Variants in SZT2 observed in about 807,000 individuals in gnomAD.
The protein encoded by SZT2 is SZT2 subunit of KICSTOR complex.
Under a neutral mutation model 404.2 loss-of-function variants are expected in SZT2, and 216 were observed. The observed-to-expected ratio is 0.53, with a 90% CI of 0.48 to 0.60. The LOEUF (loss-of-function observed/expected upper bound fraction) is 0.60, where lower values mean the gene tolerates loss of function less well. Among genes scored for constraint, SZT2 ranks in the 20% least tolerant of loss-of-function variants. SZT2 has a pLI of 0.00. For synonymous variants in SZT2, 1,693 were observed against 1,749.9 expected (o/e 0.97, Z 0.81); for missense variants, 3,857 against 4,459.2 (o/e 0.86, Z 3.85).
chr1:43,446,879 A>G, intron 65 of SZT2, 76 bp from the exon 66 acceptor site: 1 of 1,459,496 alleles, frequency 6.9e-7, no homozygotes, highest in Non-Finnish European at 9.4e-7. Context: ...GCTTCTTCCC[A>G]CGGAAGGAGG....
At chr1:43,393,468 C>T (rs1648646433) in intron 1 of SZT2, among the ~76,000 whole-genome samples, 2 of 152,160 alleles carry the variant, frequency 1.3e-5, no homozygotes, top group Non-Finnish European at 2.9e-5. Flanking sequence ...ATCCTAAGTG[C>T]TCTAACACTG....
At chr1:43,397,025 G>T (rs1649076056) in intron 1 of SZT2, among the ~76,000 whole-genome samples, 2 of 152,170 alleles carry the variant, frequency 1.3e-5, no homozygotes, top group African/African-American at 4.8e-5. Flanking sequence ...GCTGGAAACA[G>T]AATAAATACA....
In SZT2 at chr1:43,441,704, GA is replaced by G; in HGVS notation, c.7630del (p.Ser2544AlafsTer109). Reference protein sequence around the residue: ...MVQIGCASVSRSSAHMVSRFL... With the variant: ...MVQIGCASVSXSSAHMVSRFL... ...CTCCTAGGTTGTGCCTCAGTGTCCA[GA>G]AGCTCTGCCCACATGGTGTCCCGGT... is the stretch of plus-strand genomic sequence containing the variant. On this transcript the variant is annotated frameshift_variant, in exon 55 of 72. Transcript: ENST00000634258. LOFTEE classifies it high-confidence loss of function. This position sits in a 1 kb window ranked among gnomAD's most constrained non-coding sequence, Gnocchi z 4.8. 6.2e-7 allele frequency: 1 copy of G among 1,614,196 alleles called. No homozygotes were observed.
chr1:43,438,375 A>G (rs1275977808), intron 46 of SZT2, among the ~76,000 whole-genome samples: 2 of 152,206 alleles, frequency 1.3e-5, no homozygotes, highest in Non-Finnish European at 2.9e-5. Flanking sequence ...TTTATAGCTC[A>G]ATTAACATGT....
chr1:43,419,881 C>A lies in SZT2; in HGVS notation c.1027C>A (p.Arg343=). ...PGNLGLTVYH[R]AFLLYSFLRS... ...CAACCTGGGTCTGACTGTCTACCAC[C>A]GGGCATTTCTCCTCTATTCCTTCCT... Residue 343 remains arginine (R), a synonymous_variant, in exon 8 of 72, where the codon CGG becomes AGG. Transcript: ENST00000634258. The A allele has an allele frequency of 1.3e-6, 2 of 1,598,428 alleles. No homozygotes were observed. The highest frequency in any genetic ancestry group is 1.7e-6 in the Non-Finnish European group (2 of 1,179,774).
chr1:43,452,205 C>G lies in SZT2; in HGVS notation c.*1725C>G. The G allele has an allele frequency of 6.2e-7, 1 of 1,611,452 alleles. No individual in the cohort carries two copies. The highest frequency in any genetic ancestry group is 8.5e-7 in the Non-Finnish European group (1 of 1,178,504). ...ACGTGTGTGTTTCCACCTTTCTCAC[C>G]TGAGCCAAAACCCCAGCTGCATGCC... is the stretch of plus-strand genomic sequence containing the variant. On this transcript the variant is annotated 3_prime_UTR_variant, in exon 72 of 72. Transcript: ENST00000634258.
chr1:43,430,895 A>C, intron 32 of SZT2, 54 bp from the exon 33 acceptor site: 5 of 1,589,364 alleles, frequency 3.1e-6, no homozygotes, highest in Non-Finnish European at 4.3e-6. Flanking sequence ...TAGATCTTGG[A>C]ATCTGTGCTT....
Position 43,452,747 on chromosome 1 carries a change from T to G in SZT2, c.*2267T>G. 2.8e-6 allele frequency: 2 copies of G among 722,904 alleles called. No homozygotes were observed. Among genetic ancestry groups the G allele is most frequent in the Non-Finnish European group, 4.7e-6 (2 of 423,974 alleles). The allele number at this position is 722,904 out of a possible 1,614,324, so 44.8% of individuals were successfully genotyped here. A position where few individuals can be genotyped will look rare whatever the true frequency, so the allele number is the denominator to read the frequency against. ...CCATTGACCAGTAGTGATCCCCTCT[T>G]GCCAGTTCCTTCTGAGCCTGTTTGG... On this transcript the variant is annotated 3_prime_UTR_variant, in exon 72 of 72. Transcript: ENST00000634258.
At chr1:43,422,669 C>T (rs761740338) in intron 13 of SZT2, 37 bp downstream of exon 13, 8 of 863,660 alleles carry the variant, frequency 9.3e-6, no homozygotes, top group East Asian at 6.4e-5. Flanking sequence ...CCCGCCCCCC[C>T]ACCCCCCCGC....
chr1:43,441,411 G>C lies in SZT2; in HGVS notation c.7511+31G>C, dbSNP rs1330361558. The C allele has an allele frequency of 6.2e-7, 1 of 1,612,568 alleles. No individual in the cohort carries two copies. Among genetic ancestry groups the C allele is most frequent in the Non-Finnish European group, 8.5e-7 (1 of 1,178,978 alleles). ...TGTGTGGTGGTGGTGTGCCCTGGGA[G>C]GGTATGGGTGTGAAGTCACAGATGG... is the stretch of plus-strand genomic sequence containing the variant. On this transcript the variant is annotated intron_variant, in intron 53 of 71. Coordinates refer to ENST00000634258, the MANE Select transcript of SZT2 (RefSeq NM_001365999.1). This position sits in a 1 kb window ranked among gnomAD's most constrained non-coding sequence, Gnocchi z 4.8.
At chr1:43,412,647 A>G (rs1283172154) in intron 4 of SZT2, 3 of 152,204 alleles carry the variant, frequency 2.0e-5, no homozygotes, top group African/African-American at 7.2e-5. Context: ...GACAAATAGG[A>G]TCACATCAAG....
chr1:43,423,463 G>T (rs941071284), intron 15 of SZT2, 147 bp downstream of exon 15: 3 of 771,238 alleles, frequency 3.9e-6, no homozygotes, highest in Non-Finnish European at 5.7e-6. Flanking sequence ...GTGTGGAAGG[G>T]TGTGGCTTAG....
chr1:43,429,711 CCGAGGACCTAAG>C lies in SZT2; in HGVS notation c.4180_4191del (p.Asp1394_Glu1397del). ...TTACCCCAACCATTCAGCATAGAGA[CCGAGGACCTAAG>C]CGAGCCTGAGTTTCAGAGCACCCGT... On this transcript the variant is annotated inframe_deletion, in exon 29 of 72. Coordinates refer to ENST00000634258, the MANE Select transcript of SZT2 (RefSeq NM_001365999.1). The C allele has an allele frequency of 6.2e-7, 1 of 1,614,176 alleles. No individual in the cohort carries two copies. The highest frequency in any genetic ancestry group is 8.5e-7 in the Non-Finnish European group (1 of 1,180,036).
chr1:43,441,137 C>T lies in SZT2; in HGVS notation c.7345-77C>T, dbSNP rs750056594. On this transcript the variant is annotated intron_variant, in intron 52 of 71. Transcript: ENST00000634258. This position sits in a 1 kb window ranked among gnomAD's most constrained non-coding sequence, Gnocchi z 4.8. ...CAGACCTCTGAATCCTCCTAGCTCA[C>T]TGCTGTTCCATAGTGCCCCCATCCC... The T allele has an allele frequency of 6.5e-7, 1 of 1,542,030 alleles. No individual in the cohort carries two copies. The highest frequency in any genetic ancestry group is 8.8e-7 in the Non-Finnish European group (1 of 1,133,868).
chr1:43,420,835 G>A lies in SZT2; in HGVS notation c.1348G>A (p.Glu450Lys). 6.3e-7 allele frequency: 1 copy of A among 1,598,462 alleles called. No homozygotes were observed. The highest frequency in any genetic ancestry group is 2.2e-5 in the East Asian group (1 of 44,880). ...TGTGGCTATGGCACCCTGGCCCCTG[G>A]AGCCTGAGGGCCCTCGAGTAACACG... ...EYVAMAPWPL[E>K]PEGPRVTRVE... Residue 450 changes from glutamate to lysine, a missense_variant, in exon 10 of 72, where the codon GAG becomes AAG. By Grantham distance (56) the Glu-to-Lys change is moderately conservative. Transcript: ENST00000634258. This position sits in a 1 kb window ranked among gnomAD's most constrained non-coding sequence, Gnocchi z 5.1.
chr1:43,440,181 C>T (rs772761847), intron 51 of SZT2, 133 bp downstream of exon 51: 1 of 1,310,000 alleles, frequency 7.6e-7, no homozygotes, highest in Non-Finnish European at 1.1e-6. Context: ...ACCACTTATT[C>T]ACAGTTGTCC....
intron 66 of SZT2, 62 bp downstream of exon 66, chr1:43,447,230 C>A: frequency 6.5e-7 from 1 of 1,531,110 alleles, no homozygotes; most frequent in Non-Finnish European, 8.8e-7. Context: ...GCCTCCAGGT[C>A]AGGGCTGGTG....
chr1:43,429,531 A>T, intron 28 of SZT2, 172 bp from the exon 29 acceptor site: 2 of 705,298 alleles, frequency 2.8e-6, no homozygotes, highest in South Asian at 3.9e-5. Flanking sequence ...ATGGAGGTTA[A>T]AGCCAAAATG....
At chr1:43,421,964 C>T in intron 11 of SZT2, 119 bp from the exon 12 acceptor site, 4 of 1,176,336 alleles carry the variant, frequency 3.4e-6, no homozygotes, top group Non-Finnish European at 4.7e-6. Context: ...GCTGTAGCCT[C>T]AAACCACTGC....
Sources: allele counts gnomAD v4.1 joint callset (sites outside exome capture counted in the v4.1 genomes callset), GRCh38; gene constraint gnomAD v4.1.1; non-coding constraint Gnocchi (gnomAD v3.1); transcripts MANE v1.5; gene names NCBI Gene and HGNC (gene_info 2026-07-23, HGNC 2026-07-21).